The following BCORL1 variants were observed in gnomAD, a reference collection of about 807,000 sequenced individuals.
The protein encoded by BCORL1 is BCL-6 corepressor-like protein 1.
BCORL1 carries 7 observed loss-of-function variants against 87.6 expected under a neutral mutation model. The observed-to-expected ratio is 0.08, with a 90% confidence interval of 0.05 to 0.15. The LOEUF (loss-of-function observed/expected upper bound fraction) is 0.15. BCORL1 is among the 10% of genes least tolerant of loss of function. BCORL1 has a pLI of 1.00. For synonymous variants in BCORL1, 591 were observed against 634.4 expected (o/e 0.93, Z 1.03); for missense variants, 1,215 against 1,499.7 (o/e 0.81, Z 3.13).
At position 130,055,962 on chromosome X, in the gene BCORL1, C is replaced by A; in HGVS notation, c.5184C>A (p.Ala1728=). 1 of 1,212,240 alleles carries A rather than the reference C, an allele frequency of 8.2e-7. No homozygotes were observed. The highest frequency in any genetic ancestry group is 1.1e-6 in the Non-Finnish European group (1 of 895,632). The change falls in exon 14 of 14, where the codon GCC becomes GCA. Residue 1728 remains alanine (A), a synonymous_variant. Coordinates refer to ENST00000540052, the MANE Select transcript of BCORL1 (RefSeq NM_001379451.1). ...PHFEITTMPK[A]EFYRQVASSQ... ...TTGAAATCACCACCATGCCCAAGGCCGAGTTCTACAGGCAGGTGGCCTCCA... is the reference window on the plus strand; with the variant it reads ...TTGAAATCACCACCATGCCCAAGGCAGAGTTCTACAGGCAGGTGGCCTCCA...
chrX:130,037,667 C>T (rs372064912), intron 10 of BCORL1, 134 bp downstream of exon 10: 7 of 740,998 alleles, frequency 9.4e-6, no homozygotes, highest in Non-Finnish European at 1.3e-5. Context: ...CCAAGGCGGG[C>T]GGATCATGAG....
intron 2 of BCORL1, among the ~76,000 whole-genome samples, chrX:130,010,953 G>A (rs1053574652): frequency 5.7e-5 from 5 of 87,090 alleles, no homozygotes; most frequent in African/African-American, 1.3e-4. Context: ...AGCCGAGATC[G>A]AGATCGTGCC....
chrX:130,023,025 G>C, intron 6 of BCORL1, 48 bp downstream of exon 6: 1 of 1,078,171 alleles, frequency 9.3e-7, no homozygotes, highest in Non-Finnish European at 1.3e-6. Context: ...TCTATGAAAA[G>C]AGAGATCGAA....
In BCORL1 at chrX:130,015,852, C is replaced by T; in HGVS notation, c.3080C>T (p.Pro1027Leu). Residue 1027 changes from proline (P) to leucine (L), a missense_variant, in exon 4 of 14, where the codon CCG becomes CTG. Transcript: ENST00000540052. ...HPKELILDVV[P>L]SSRRGSSTER... Reference sequence around the variant, plus strand: ...AAGGAACTTATATTGGACGTGGTTCCGAGCAGCAGGAGGGGCTCCAGCACA... The same window carrying T: ...AAGGAACTTATATTGGACGTGGTTCTGAGCAGCAGGAGGGGCTCCAGCACA... The T allele has an allele frequency of 8.3e-7, 1 of 1,211,772 alleles. No individual in the cohort carries two copies. The highest frequency in any genetic ancestry group is 1.1e-6 in the Non-Finnish European group (1 of 895,561).
intron 13 of BCORL1, among the ~76,000 whole-genome samples, chrX:130,054,357 G>A (rs1358923187): frequency 8.9e-6 from 1 of 111,790 alleles, no homozygotes; most frequent in African/African-American, 3.3e-5. Flanking sequence ...GACCATGGGA[G>A]ATGGAAGAAC....
chrX:130,015,196 G>A lies in BCORL1; in HGVS notation c.2424G>A (p.Thr808=), dbSNP rs138691600. ...AGGAACTCTCTTTGTGGAAACCCAC[G>A]GGGCCGGCAAATATTTATCCCCGGT... ...QTKELSLWKP[T]GPANIYPRCS... Residue 808 remains threonine, a synonymous_variant, in exon 4 of 14, where the codon ACG becomes ACA. Transcript: ENST00000540052. The A allele has an allele frequency of 6.6e-5, 80 of 1,210,913 alleles. No individual in the cohort carries two copies. The highest frequency in any genetic ancestry group is 3.8e-4 in the African/African-American group (22 of 57,530).
intron 11 of BCORL1, among the ~76,000 whole-genome samples, 200 bp from the exon 12 acceptor site, chrX:130,050,513 AGTGG>A (rs1182609673): frequency 9.0e-6 from 1 of 110,545 alleles, no homozygotes; most frequent in African/African-American, 3.3e-5. Flanking sequence ...CTAGGCAGTC[AGTGG>A]GTTAGATTGG....
chrX:130,005,556 AC>A (rs1289975041), intron 2 of BCORL1, among the ~76,000 whole-genome samples: 3 of 111,654 alleles, frequency 2.7e-5, no homozygotes, highest in Non-Finnish European at 3.8e-5. Flanking sequence ...GCCAGCTAGC[AC>A]TTGTCTACTC....
intron 1 of BCORL1, among the ~76,000 whole-genome samples, chrX:129,998,876 G>C (rs1314813337): frequency 9.0e-6 from 1 of 111,350 alleles, no homozygotes; most frequent in African/African-American, 3.3e-5. Context: ...CTTCAGATAG[G>C]AAGTGGCGCT....
intron 5 of BCORL1, 149 bp from the exon 6 acceptor site, chrX:130,022,748 G>T: frequency 3.9e-6 from 2 of 519,118 alleles, no homozygotes; most frequent in Non-Finnish European, 6.8e-6. Context: ...CCACGTAAGG[G>T]GAGTGAATAA....
intron 1 of BCORL1, among the ~76,000 whole-genome samples, chrX:129,997,747 G>A (rs1438370035): frequency 2.1e-5 from 2 of 96,475 alleles, no homozygotes; most frequent in Non-Finnish European, 4.0e-5. Flanking sequence ...AGCCAACATC[G>A]CGCCATTGCA....
chrX:130,031,208 T>A (rs1186592125), intron 8 of BCORL1, among the ~76,000 whole-genome samples: 1 of 112,634 alleles, frequency 8.9e-6, no homozygotes, highest in Non-Finnish European at 1.9e-5. Flanking sequence ...CCCAGCATCC[T>A]CCAGTCCTGC....
At chrX:130,051,336 G>A (rs1257598719) in intron 12 of BCORL1, among the ~76,000 whole-genome samples, 1 of 112,926 alleles carries the variant, frequency 8.9e-6, no homozygotes, top group Non-Finnish European at 1.9e-5. Context: ...GAAGATGAAA[G>A]GAAACACCCA....
intron 7 of BCORL1, among the ~76,000 whole-genome samples, chrX:130,026,143 G>A (rs918186900): frequency 2.8e-4 from 31 of 111,681 alleles, no homozygotes; most frequent in Non-Finnish European, 5.5e-4. Flanking sequence ...GCACATCTTT[G>A]GGTTTTATAA....
rs908822780 is a variant in BCORL1 at position 130,052,026 on chromosome X, C to T, written c.5075+10C>T. 14 of 1,175,480 alleles carry T rather than the reference C, an allele frequency of 1.2e-5. No individual in the cohort carries two copies. Among genetic ancestry groups the T allele is most frequent in the East Asian group, 3.0e-5 (1 of 33,117 alleles). On this transcript the variant is annotated intron_variant, in intron 13 of 13. Transcript: ENST00000540052. ...TGTCAGTGTCCCGCGGGTAAGTGTC[C>T]GAGAGATCCACGGTGACTGAGTGTC...
chrX:129,990,746 T>C (rs994957024), intron 1 of BCORL1, among the ~76,000 whole-genome samples: 3 of 111,183 alleles, frequency 2.7e-5, no homozygotes, highest in African/African-American at 9.8e-5. Context: ...CATCTACCTT[T>C]GAGGTGGAAG....
intron 1 of BCORL1, among the ~76,000 whole-genome samples, chrX:129,990,118 C>T (rs1015204851): frequency 9.0e-6 from 1 of 111,444 alleles, no homozygotes; most frequent in Non-Finnish European, 1.9e-5. Context: ...GTTTTCTCAT[C>T]TATACAATGG....
intron 1 of BCORL1, among the ~76,000 whole-genome samples, chrX:130,000,983 G>T (rs1351118912): frequency 5.4e-5 from 6 of 110,560 alleles, no homozygotes; most frequent in Non-Finnish European, 9.5e-5. Flanking sequence ...CGTCACTTCA[G>T]TTCTTATCCA....
chrX:130,043,748 A>T (rs192185824), intron 11 of BCORL1, among the ~76,000 whole-genome samples: 1,064 of 9,169 alleles, frequency 0.12, 98 homozygotes, highest in African/African-American at 0.38. Context: ...CTAATTTGTT[A>T]TATATATATA....
Sources: gnomAD v4.1 joint callset for allele counts (sites outside exome capture counted in the v4.1 genomes callset) on GRCh38, gnomAD v4.1.1 for gene constraint, MANE v1.5 for transcripts, NCBI Gene and HGNC (gene_info 2026-07-23, HGNC 2026-07-21) for gene names.